Variants in RCC2 observed in about 807,000 individuals in gnomAD.
The protein encoded by RCC2 is protein RCC2.
RCC2 carries 19 observed loss-of-function variants against 64.1 expected under a neutral mutation model. The ratio of observed to expected loss-of-function variants is 0.30; its 90% CI spans 0.21 to 0.44. RCC2 has a LOEUF of 0.44. Among genes scored for constraint, RCC2 ranks in the 20% least tolerant of loss-of-function variants. The pLI, the probability that RCC2 is intolerant of heterozygous loss-of-function variation, is 1.00. For missense variants in RCC2, 508 were observed against 710.4 expected (o/e 0.72, Z 3.24); for synonymous variants, 325 against 279.6 (o/e 1.16, Z -1.62).
chr1:17,407,246 G>A lies in RCC2; in HGVS notation c.*1844C>T, dbSNP rs2075370685. 1 of 152,014 alleles carries A rather than the reference G, an allele frequency of 6.6e-6. No homozygotes were observed. The highest frequency in any genetic ancestry group is 1.5e-5 in the Non-Finnish European group (1 of 68,022). 9.4% of individuals were successfully genotyped at this position (152,014 alleles called of 1,614,324 possible). A position where few individuals can be genotyped will look rare whatever the true frequency, so the allele number is the denominator to read the frequency against. Reference sequence around the variant, plus strand: ...AGGCTCCTGCAAAGGCTGGGACCTCGGGTGCTGCGTCCTCAACCCTCTCGG... The same window carrying A: ...AGGCTCCTGCAAAGGCTGGGACCTCAGGTGCTGCGTCCTCAACCCTCTCGG... On this transcript the variant is annotated 3_prime_UTR_variant, in exon 13 of 13. Transcript: ENST00000375436.
At chr1:17,416,198 A>G (rs1007791555) in intron 8 of RCC2, among the ~76,000 whole-genome samples, 13 of 152,146 alleles carry the variant, frequency 8.5e-5, no homozygotes, top group Non-Finnish European at 1.5e-4. Context: ...AGCCAAAAGC[A>G]GAAAGTGCTT....
At chr1:17,424,726 GCGAC>G (rs1196429319) in intron 4 of RCC2, among the ~76,000 whole-genome samples, 1 of 152,232 alleles carries the variant, frequency 6.6e-6, no homozygotes, top group African/African-American at 2.4e-5. Context: ...CAGAGGACCA[GCGAC>G]AAAGGGTGGG....
intron 4 of RCC2, among the ~76,000 whole-genome samples, chr1:17,425,228 A>G (rs1475233149): frequency 6.6e-6 from 1 of 152,126 alleles, no homozygotes; most frequent in Non-Finnish European, 1.5e-5. Flanking sequence ...CCTGCCTAAC[A>G]CACTCACACA....
rs1371212908 is a variant in RCC2 at position 17,407,408 on chromosome 1, G to A, written c.*1682C>T. 2.6e-5 allele frequency: 4 copies of A among 152,350 alleles called. No homozygotes were observed. Among genetic ancestry groups the A allele is most frequent in the Admixed American group, 2.6e-4 (4 of 15,296 alleles). 9.4% of individuals were successfully genotyped at this position (152,350 alleles called of 1,614,324 possible). ...TTACGTCAGAGATGGTGGTTTTGGG[G>A]TGATTTGGACAAATTAGGTTAGTTT... On this transcript the variant is annotated 3_prime_UTR_variant, in exon 13 of 13. Transcript: ENST00000375436.
chr1:17,420,651 T>C, intron 7 of RCC2, 63 bp downstream of exon 7: 2 of 1,060,256 alleles, frequency 1.9e-6, no homozygotes, highest in Non-Finnish European at 2.8e-6. Context: ...AGCCCCACAC[T>C]GATCTCTAGT....
At chr1:17,423,545 C>A (rs549673253) in intron 4 of RCC2, among the ~76,000 whole-genome samples, 1 of 152,218 alleles carries the variant, frequency 6.6e-6, no homozygotes, top group Non-Finnish European at 1.5e-5. Context: ...CCAACCCCTA[C>A]CCCCAAGTCC....
At chr1:17,432,686 T>TG (rs2075694660) in intron 2 of RCC2, among the ~76,000 whole-genome samples, 1 of 152,260 alleles carries the variant, frequency 6.6e-6, no homozygotes, top group Non-Finnish European at 1.5e-5. Flanking sequence ...GCAGTGGCCT[T>TG]GGCCTTGGGG....
Position 17,408,844 on chromosome 1 carries a change from TAA to T in RCC2, c.*244_*245del. The T allele has an allele frequency of 2.3e-6, 1 of 441,722 alleles. No individual in the cohort carries two copies. The highest frequency in any genetic ancestry group is 4.7e-5 in the South Asian group (1 of 21,358). The allele number at this position is 441,722 out of a possible 1,614,324, so 27.4% of individuals were successfully genotyped here. Reference sequence around the variant, plus strand: ...GTTTCTGCCTCTTTTGTAGGAATGGTAAATCAACTATGAGCAAGTATTTTAAT... The same window carrying T: ...GTTTCTGCCTCTTTTGTAGGAATGGTATCAACTATGAGCAAGTATTTTAAT... On this transcript the variant is annotated 3_prime_UTR_variant, in exon 13 of 13. Transcript: ENST00000375436.
intron 7 of RCC2, among the ~76,000 whole-genome samples, chr1:17,419,354 G>A (rs1223315481): frequency 1.3e-5 from 2 of 152,150 alleles, no homozygotes; most frequent in South Asian, 2.1e-4. Flanking sequence ...GGGAGACTCC[G>A]TCTTTCTTAT....
chr1:17,419,947 C>T (rs1031243197), intron 7 of RCC2, among the ~76,000 whole-genome samples: 4 of 152,226 alleles, frequency 2.6e-5, no homozygotes. Flanking sequence ...TTCCCCGAGG[C>T]TAAGGCCAGC....
At chr1:17,417,785 C>A (rs2075504807) in intron 7 of RCC2, among the ~76,000 whole-genome samples, 1 of 152,124 alleles carries the variant, frequency 6.6e-6, no homozygotes, top group African/African-American at 2.4e-5. Flanking sequence ...GCACCTCAGC[C>A]CTTATTGGTA....
Position 17,425,481 on chromosome 1 carries a change from G to A in RCC2, c.523+60C>T, listed in dbSNP as rs2075604106. On this transcript the variant is annotated intron_variant, in intron 4 of 12. Transcript: ENST00000375436. ...CTTTTCCAGGCAAACAGAAGAACGT[G>A]CTGTGTGGGGACAGCTGGTGACAGT... 3 of 1,484,360 alleles carry A rather than the reference G, an allele frequency of 2.0e-6. No individual in the cohort carries two copies. The East Asian group carries it at 7.6e-5, about 37-fold the overall frequency. 91.9% of individuals were successfully genotyped at this position (1,484,360 alleles called of 1,614,324 possible). A position where few individuals can be genotyped will look rare whatever the true frequency, so the allele number is the denominator to read the frequency against.
chr1:17,417,406 G>A (rs1047398052), intron 7 of RCC2, among the ~76,000 whole-genome samples: 2 of 152,212 alleles, frequency 1.3e-5, no homozygotes, highest in East Asian at 1.9e-4. Flanking sequence ...GGTGGGCCAC[G>A]CCTGGAATCC....
chr1:17,424,090 G>C (rs1196511488), intron 4 of RCC2, among the ~76,000 whole-genome samples: 2 of 152,240 alleles, frequency 1.3e-5, no homozygotes. Flanking sequence ...AGTCTCAGTG[G>C]ACTGAGATGC....
chr1:17,438,015 C>G (rs2075758176), intron 2 of RCC2, among the ~76,000 whole-genome samples: 1 of 146,460 alleles, frequency 6.8e-6, no homozygotes. Context: ...CGCGCGGTGC[C>G]CGGGGTCGGG....
chr1:17,425,552 A>G lies in RCC2; in HGVS notation c.512T>C (p.Leu171Pro), dbSNP rs2075605696. 3 of 1,611,868 alleles carry G rather than the reference A, an allele frequency of 1.9e-6. No individual in the cohort carries two copies. The highest frequency in any genetic ancestry group is 2.2e-5 in the South Asian group (2 of 90,812). ...CGCACGGTACTCACCCCAGCTCCAC[A>G]GCTTCCCTTCCGTGGTGATGAGGAG... is the stretch of plus-strand genomic sequence containing the variant. ...HSLLITTEGK[L>P]WSWGRNEKGQ... Residue 171 changes from leucine (L) to proline (P), a missense_variant, in exon 4 of 13, where the codon CTG becomes CCG. Coordinates refer to ENST00000375436, the MANE Select transcript of RCC2 (RefSeq NM_018715.4).
rs2075383999 is a variant in RCC2 at position 17,408,163 on chromosome 1, G to A, written c.*927C>T. The stretch of plus-strand genomic sequence containing the variant: ...AGGATCCAGGCGGGGGGGAGAAAAA[G>A]AGACCAAAGCACAAGGCGATCGAGG... On this transcript the variant is annotated 3_prime_UTR_variant, in exon 13 of 13. Transcript: ENST00000375436. The A allele has an allele frequency of 6.6e-6, 1 of 152,454 alleles. No homozygotes were observed. Among genetic ancestry groups the A allele is most frequent in the Non-Finnish European group, 1.5e-5 (1 of 68,222 alleles). The allele number at this position is 152,454 out of a possible 1,614,324, so 9.4% of individuals were successfully genotyped here.
At chr1:17,431,850 G>A (rs1043625744) in intron 2 of RCC2, among the ~76,000 whole-genome samples, 1 of 152,176 alleles carries the variant, frequency 6.6e-6, no homozygotes, top group African/African-American at 2.4e-5. Flanking sequence ...CGTCATCCCA[G>A]CACTTTGGGA....
intron 9 of RCC2, 129 bp downstream of exon 9, chr1:17,413,408 G>A: frequency 9.4e-7 from 1 of 1,069,500 alleles, no homozygotes; most frequent in Non-Finnish European, 1.4e-6. Flanking sequence ...AACACAACGA[G>A]TTCCTGTCTC....
Sources: gnomAD v4.1 joint callset for allele counts (sites outside exome capture counted in the v4.1 genomes callset) on GRCh38, gnomAD v4.1.1 for gene constraint, MANE v1.5 for transcripts, NCBI Gene and HGNC (gene_info 2026-07-23, HGNC 2026-07-21) for gene names.